Variants in AP2A2 observed in about 807,000 individuals in gnomAD.
The protein encoded by AP2A2 is adaptor related protein complex 2 subunit alpha 2.
A neutral mutation model predicts 104.2 loss-of-function variants in AP2A2; 32 were observed. The ratio of observed to expected loss-of-function variants is 0.31; its 90% CI spans 0.23 to 0.41. The LOEUF is 0.41. AP2A2 is among the 10% of genes least tolerant of loss of function. The probability of loss-of-function intolerance (pLI) is 1.00; values close to 1 mark genes in which losing one functional copy is unlikely to be tolerated. For missense variants in AP2A2, 912 were observed against 1,261.0 expected (o/e 0.72, Z 4.19); for synonymous variants, 539 against 533.3 (o/e 1.01, Z -0.15).
chr11:957,276 C>T (rs749820793), intron 1 of AP2A2, among the ~76,000 whole-genome samples: 33 of 152,338 alleles, frequency 2.2e-4, no homozygotes, highest in African/African-American at 6.5e-4. Flanking sequence ...GTTATCTGGA[C>T]GTTCCCCAAA....
At chr11:956,344 G>T (rs1854234273) in intron 1 of AP2A2, among the ~76,000 whole-genome samples, 1 of 152,082 alleles carries the variant, frequency 6.6e-6, no homozygotes, top group Admixed American at 6.6e-5. Context: ...TGTATTTTTA[G>T]TAGAGACGGG....
intron 10 of AP2A2, among the ~76,000 whole-genome samples, chr11:990,551 C>A (rs959560449): frequency 6.6e-6 from 1 of 152,182 alleles, no homozygotes; most frequent in Admixed American, 6.5e-5. Flanking sequence ...TGCTCTCGCC[C>A]CTCTGCGTGA....
intron 9 of AP2A2, among the ~76,000 whole-genome samples, chr11:988,280 A>G (rs1457846825): frequency 6.6e-6 from 1 of 151,746 alleles, no homozygotes; most frequent in Admixed American, 6.6e-5. Context: ...TGTGGAGGGC[A>G]AGGGAGGCAT....
intron 14 of AP2A2, among the ~76,000 whole-genome samples, chr11:997,072 G>C (rs1564818011): frequency 6.6e-6 from 1 of 152,178 alleles, no homozygotes; most frequent in Non-Finnish European, 1.5e-5. Flanking sequence ...TCTTGCTCAG[G>C]GTCTTCTGTA....
At chr11:936,907 T>C (rs1853476256) in intron 1 of AP2A2, among the ~76,000 whole-genome samples, 1 of 152,112 alleles carries the variant, frequency 6.6e-6, no homozygotes, top group South Asian at 2.1e-4. Flanking sequence ...AGGCCGTTGT[T>C]TGATGTGGTT....
chr11:973,263 GT>G (rs1206210337), intron 4 of AP2A2, among the ~76,000 whole-genome samples: 2 of 152,196 alleles, frequency 1.3e-5, no homozygotes, highest in Non-Finnish European at 2.9e-5. Flanking sequence ...ACTGGGCCGT[GT>G]CTTGGGGCAT....
At position 993,289 on chromosome 11, in the gene AP2A2, T is replaced by G; in HGVS notation, c.1458T>G (p.Leu486=). The change falls in exon 12 of 22, where the codon CTT becomes CTG. Residue 486 remains leucine (L), a synonymous_variant. Coordinates refer to ENST00000448903, the MANE Select transcript of AP2A2 (RefSeq NM_012305.4). This position sits in a 1 kb window ranked among gnomAD's most constrained non-coding sequence, Gnocchi z 8.2. The part of the protein sequence containing the change: ...GYAAKTVFEA[L]QAPACHENLV... ...TCATTGTTTGTGCTTCGCAGGCTCT[T>G]CAGGCTCCCGCGTGCCACGAGAACC... is the stretch of plus-strand genomic sequence containing the variant. 2 of 1,607,674 alleles carry G rather than the reference T, an allele frequency of 1.2e-6. No individual in the cohort carries two copies. The highest frequency in any genetic ancestry group is 1.7e-6 in the Non-Finnish European group (2 of 1,178,220).
In AP2A2 at chr11:984,657, G is replaced by A; in HGVS notation, c.718G>A (p.Ala240Thr). Residue 240 changes from alanine (A) to threonine (T), a missense_variant, in exon 7 of 22, where the codon GCA becomes ACA. Around this residue, in one of 7 missense-constraint regions of AP2A2, gnomAD observed 350 missense variants for 487.0 expected, o/e 0.72. Coordinates refer to ENST00000448903, the MANE Select transcript of AP2A2 (RefSeq NM_012305.4). ...VSRLSRIVTSASTDLQDYTYY... is the reference protein window; with the variant it reads ...VSRLSRIVTSTSTDLQDYTYY... ...TGCTGTCTTACAGATCGTGACGTCTGCATCCACAGATCTCCAGGATTACAC... is the reference window on the plus strand; with the variant it reads ...TGCTGTCTTACAGATCGTGACGTCTACATCCACAGATCTCCAGGATTACAC... The A allele has an allele frequency of 1.2e-6, 2 of 1,612,396 alleles. No individual in the cohort carries two copies. The highest frequency in any genetic ancestry group is 1.7e-6 in the Non-Finnish European group (2 of 1,178,692).
intron 3 of AP2A2, among the ~76,000 whole-genome samples, chr11:971,716 T>C (rs1243245697): frequency 6.6e-6 from 1 of 152,120 alleles, no homozygotes; most frequent in South Asian, 2.1e-4. Flanking sequence ...CCATCTTAAC[T>C]TGAGGATAGT....
rs956597867 is a variant in AP2A2, at chr11:1,009,066, G to A, written c.2421-34G>A. The stretch of plus-strand genomic sequence containing the variant: ...CCCTGGGGCTCTCAGAGGAGTAGCT[G>A]ACTGTCTCTTTCTGCTGCTGCTGCT... On this transcript the variant is annotated intron_variant, in intron 18 of 21. Transcript: ENST00000448903. 2.6e-6 allele frequency: 4 copies of A among 1,551,632 alleles called. No individual in the cohort carries two copies. The Admixed American group carries it at 5.1e-5, about 20-fold the overall frequency.
chr11:1,001,593 G>C (rs1856032309), intron 15 of AP2A2: 1 of 152,374 alleles, frequency 6.6e-6, no homozygotes, highest in African/African-American at 2.4e-5. Context: ...AGGCAGGCCG[G>C]CGTGGTGGTG....
In AP2A2 at chr11:993,246, C is replaced by T; in HGVS notation, c.1453-38C>T. ...TGCCCGCCTCGCCTTAACTCTGGCA[C>T]CTGGCTGCCACCCCGGCTCATTGTT... On this transcript the variant is annotated intron_variant, in intron 11 of 21. Transcript: ENST00000448903. The surrounding 1 kb of genome is among the most constrained non-coding windows in gnomAD (Gnocchi z 8.2). The T allele has an allele frequency of 1.3e-6, 2 of 1,553,320 alleles. No homozygotes were observed. The highest frequency in any genetic ancestry group is 1.7e-6 in the Non-Finnish European group (2 of 1,146,004).
intron 2 of AP2A2, among the ~76,000 whole-genome samples, chr11:965,921 G>C (rs1854599838): frequency 1.3e-5 from 2 of 152,184 alleles, no homozygotes; most frequent in African/African-American, 4.8e-5. Flanking sequence ...ACTCACTGCA[G>C]CCTTGACTTC....
intron 7 of AP2A2, among the ~76,000 whole-genome samples, chr11:985,180 A>T (rs1239386732): frequency 1.3e-5 from 2 of 152,062 alleles, no homozygotes; most frequent in Non-Finnish European, 2.9e-5. Flanking sequence ...ACGGGGTTTC[A>T]CCATGTTGGC....
chr11:1,007,872 TG>T, intron 17 of AP2A2, 139 bp from the exon 18 acceptor site: 1 of 1,220,130 alleles, frequency 8.2e-7, no homozygotes, highest in Non-Finnish European at 1.2e-6. Context: ...CCGGGTGGTG[TG>T]GCTGCCCTCG....
At chr11:1,006,652 A>C (rs1278317339) in intron 17 of AP2A2, 35 bp downstream of exon 17, 14 of 1,523,572 alleles carry the variant, frequency 9.2e-6, no homozygotes, top group Non-Finnish European at 1.3e-5. Flanking sequence ...GCCCGCAGAC[A>C]GCATAATGTG....
intron 2 of AP2A2, 110 bp from the exon 3 acceptor site, chr11:970,059 C>T (rs764765313): frequency 9.6e-6 from 12 of 1,245,810 alleles, no homozygotes; most frequent in Non-Finnish European, 1.4e-5. Context: ...CCACCCCTCT[C>T]CTGGAGGCTT....
In AP2A2 at chr11:1,011,348, C is replaced by G; in HGVS notation, c.*723C>G. 1 of 518,556 alleles carries G rather than the reference C, an allele frequency of 1.9e-6. No homozygotes were observed. The highest frequency in any genetic ancestry group is 3.8e-6 in the Non-Finnish European group (1 of 259,780). 32.1% of individuals were successfully genotyped at this position (518,556 alleles called of 1,614,324 possible). The stretch of plus-strand genomic sequence containing the variant: ...CGGCCCCGCAGGGCCCCCAGGACTC[C>G]AGGGTAAAGTGTGGGCCGGTGGCGC... On this transcript the variant is annotated 3_prime_UTR_variant, in exon 22 of 22. Coordinates refer to ENST00000448903, the MANE Select transcript of AP2A2 (RefSeq NM_012305.4).
At position 992,904 on chromosome 11, in the gene AP2A2, G is replaced by A. The variant is rs1166507205; in HGVS notation, c.1452+219G>A. Reference sequence around the variant, plus strand: ...ACTCTCAAACTTCTGGCTCTCTGGGGGCCACCTGAGAAAGCCGGCCTCTGT... The same window carrying A: ...ACTCTCAAACTTCTGGCTCTCTGGGAGCCACCTGAGAAAGCCGGCCTCTGT... On this transcript the variant is annotated intron_variant, in intron 11 of 21. Coordinates refer to ENST00000448903, the MANE Select transcript of AP2A2 (RefSeq NM_012305.4). This position sits in a 1 kb window ranked among gnomAD's most constrained non-coding sequence, Gnocchi z 6.4. 1.3e-5 allele frequency among the ~76,000 whole-genome samples: 2 copies of A among 152,136 alleles called. No homozygotes were observed. Among genetic ancestry groups the A allele is most frequent in the African/African-American group, 4.8e-5 (2 of 41,436 alleles).
Sources: gnomAD v4.1 joint callset for allele counts (sites outside exome capture counted in the v4.1 genomes callset) on GRCh38, gnomAD v4.1.1 for gene constraint, gnomAD v4.1.1 regional missense constraint, Gnocchi (gnomAD v3.1) non-coding constraint, MANE v1.5 for transcripts, NCBI Gene and HGNC (gene_info 2026-07-23, HGNC 2026-07-21) for gene names.